Variants in CDH23 observed in about 807,000 individuals in gnomAD.
The protein encoded by CDH23 is cadherin related 23, also known as cadherin-23.
Under a neutral mutation model 317.1 loss-of-function variants are expected in CDH23, and 189 were observed. That is an observed-to-expected ratio of 0.60 (90% CI 0.53 to 0.67). CDH23 has a LOEUF of 0.67. Ranked by LOEUF, CDH23 falls within the 30% of genes least tolerant of loss-of-function variation. The probability of loss-of-function intolerance (pLI) is 0.00; values close to 1 mark genes in which losing one functional copy is unlikely to be tolerated. For missense variants in CDH23, 4,401 were observed against 4,592.4 expected, an observed-to-expected ratio of 0.96 and a Z score of 1.20; for synonymous variants, 1,839 against 1,876.8, an observed-to-expected ratio of 0.98 and a Z score of 0.52.
At chr10:71,580,866 T>C (rs12240467) in intron 9 of CDH23, among the ~76,000 whole-genome samples, 17,083 of 151,298 alleles carry the variant, frequency 0.11, 1,284 homozygotes, top group African/African-American at 0.21. Flanking sequence ...TTCCTACCCC[T>C]TTCTCTGTGG....
chr10:71,753,087 C>A, intron 38 of CDH23: 1 of 1,524,878 alleles, frequency 6.6e-7, no homozygotes, highest in South Asian at 1.2e-5. Flanking sequence ...AGATGCCCTG[C>A]AGGGAACAGG....
At chr10:71,612,677 T>C (rs554026008) in intron 9 of CDH23, among the ~76,000 whole-genome samples, 27 of 152,250 alleles carry the variant, frequency 1.8e-4, no homozygotes, top group African/African-American at 5.5e-4. Flanking sequence ...TGTGAGTGTG[T>C]TGGGGCAGGA....
At chr10:71,799,432 T>C in intron 51 of CDH23, 60 bp from the exon 52 acceptor site, 1 of 1,612,138 alleles carries the variant, frequency 6.2e-7, no homozygotes, top group Non-Finnish European at 8.5e-7. Flanking sequence ...GTTCTAGGGC[T>C]GTGCTCGGGC....
chr10:71,404,383 A>G (rs755243836), intron 1 of CDH23, among the ~76,000 whole-genome samples: 12 of 152,206 alleles, frequency 7.9e-5, no homozygotes, highest in Non-Finnish European at 1.5e-4. Context: ...TGCAGCTTGC[A>G]GTTCTCCACA....
intron 18 of CDH23, among the ~76,000 whole-genome samples, chr10:71,683,613 G>A (rs190956165): frequency 5.3e-5 from 8 of 152,320 alleles, no homozygotes; most frequent in African/African-American, 1.7e-4. Context: ...TGATGGGAGA[G>A]CCTTCCAGTT....
chr10:71,768,295 C>T (rs890934217), intron 38 of CDH23, among the ~76,000 whole-genome samples: 3 of 152,118 alleles, frequency 2.0e-5, no homozygotes, highest in African/African-American at 4.8e-5. Flanking sequence ...CTCAGCCTCC[C>T]GAGTAGCTGG....
intron 32 of CDH23, chr10:71,732,607 C>G (rs1480419056): frequency 1.4e-6 from 2 of 1,389,940 alleles, no homozygotes; most frequent in East Asian, 5.1e-5. Context: ...CACTCCAGCC[C>G]GGGCAACAGA....
intron 3 of CDH23, among the ~76,000 whole-genome samples, chr10:71,475,491 A>G (rs1232363195): frequency 6.6e-6 from 1 of 152,164 alleles, no homozygotes; most frequent in East Asian, 1.9e-4. Flanking sequence ...ACCTCTGAAA[A>G]GCGACCTTCA....
At chr10:71,405,203 C>T (rs1043157636) in intron 1 of CDH23, among the ~76,000 whole-genome samples, 1 of 152,096 alleles carries the variant, frequency 6.6e-6, no homozygotes, top group Non-Finnish European at 1.5e-5. Context: ...AGCCATCCTG[C>T]CCTGGCTTAT....
At chr10:71,690,362 C>T (rs1865139944) in intron 19 of CDH23, 106 bp from the exon 20 acceptor site, 4 of 737,172 alleles carry the variant, frequency 5.4e-6, no homozygotes, top group African/African-American at 3.5e-5. Flanking sequence ...GAGGGTCCCA[C>T]GTCCTCCTCT....
intron 7 of CDH23, among the ~76,000 whole-genome samples, chr10:71,569,288 C>T (rs558671514): frequency 2.6e-5 from 4 of 152,234 alleles, no homozygotes; most frequent in Non-Finnish European, 5.9e-5. Flanking sequence ...ACAACCAGCC[C>T]TCCCTTCTCC....
intron 1 of CDH23, among the ~76,000 whole-genome samples, chr10:71,427,661 G>GT (rs1018986396): frequency 1.3e-5 from 2 of 150,484 alleles, no homozygotes; most frequent in African/African-American, 4.9e-5. Flanking sequence ...CAGTTCTTTT[G>GT]TGTATATTCT....
intron 28 of CDH23, among the ~76,000 whole-genome samples, chr10:71,722,893 G>T (rs1866622737): frequency 6.6e-6 from 1 of 152,132 alleles, no homozygotes; most frequent in South Asian, 2.1e-4. Flanking sequence ...TGGGGCCCAG[G>T]GATGTGCAAG....
intron 18 of CDH23, 137 bp downstream of exon 18, chr10:71,682,709 G>C: frequency 8.8e-7 from 1 of 1,138,878 alleles, no homozygotes. Flanking sequence ...CCAGCCATCT[G>C]TCCCAAAGCC....
intron 1 of CDH23, among the ~76,000 whole-genome samples, chr10:71,417,724 T>G (rs1380407198): frequency 4.6e-5 from 7 of 152,144 alleles, no homozygotes; most frequent in Non-Finnish European, 1.0e-4. Flanking sequence ...ATCCTCCCAG[T>G]GCAGCCTCTC....
At chr10:71,416,068 GTTA>G (rs1373980298) in intron 1 of CDH23, among the ~76,000 whole-genome samples, 1 of 151,990 alleles carries the variant, frequency 6.6e-6, no homozygotes, top group Admixed American at 6.6e-5. Context: ...CTTTTCTATG[GTTA>G]TTGAGTGCAG....
chr10:71,527,539 G>C (rs150010745), intron 6 of CDH23, among the ~76,000 whole-genome samples: 9 of 152,342 alleles, frequency 5.9e-5, no homozygotes, highest in Admixed American at 5.2e-4. Context: ...TTCACTGGGC[G>C]TGCACAGTTC....
At chr10:71,536,981 A>T (rs929770096) in intron 6 of CDH23, among the ~76,000 whole-genome samples, 1 of 152,042 alleles carries the variant, frequency 6.6e-6, no homozygotes, top group African/African-American at 2.4e-5. Flanking sequence ...AACCATTTGG[A>T]TATTTGATTG....
intron 9 of CDH23, among the ~76,000 whole-genome samples, chr10:71,595,363 C>T (rs1370627336): frequency 6.6e-6 from 1 of 152,112 alleles, no homozygotes; most frequent in African/African-American, 2.4e-5. Context: ...TCTTCACACT[C>T]ACCTCCCCCA....
Sources: gnomAD v4.1 joint callset for allele counts (sites outside exome capture counted in the v4.1 genomes callset) on GRCh38, gnomAD v4.1.1 for gene constraint, MANE v1.5 for transcripts, NCBI Gene and HGNC (gene_info 2026-07-23, HGNC 2026-07-21) for gene names.